The following BIRC6 variants were observed in gnomAD, a reference collection of about 807,000 sequenced individuals.
BIRC6 encodes dual E2 ubiquitin-conjugating enzyme/E3 ubiquitin-protein ligase BIRC6.
In BIRC6, 98 loss-of-function variants were observed where a neutral mutation model predicts 503.3. The ratio of observed to expected loss-of-function variants is 0.19; its 90% CI spans 0.17 to 0.23. The LOEUF is 0.23. Among genes scored for constraint, BIRC6 ranks in the 10% least tolerant of loss-of-function variants. The pLI, the probability that BIRC6 is intolerant of heterozygous loss-of-function variation, is 1.00. For missense variants in BIRC6, 5,360 were observed against 5,806.0 expected (o/e 0.92, Z 2.50); for synonymous variants, 2,240 against 2,078.7 (o/e 1.08, Z -2.11).
intron 53 of BIRC6, among the ~76,000 whole-genome samples, chr2:32,511,423 C>T (rs2054421234): frequency 6.7e-6 from 1 of 149,878 alleles, no homozygotes; most frequent in African/African-American, 2.4e-5. Flanking sequence ...CATTCTTCTG[C>T]CTCAGCCTCC....
In BIRC6 at chr2:32,388,770, T is replaced by C. The variant is rs1220568088; in HGVS notation, c.666T>C (p.His222=). 1 of 1,603,984 alleles carries C rather than the reference T, an allele frequency of 6.2e-7. No homozygotes were observed. The highest frequency in any genetic ancestry group is 8.5e-7 in the Non-Finnish European group (1 of 1,175,726). The change falls in exon 4 of 74, where the codon CAT becomes CAC. Residue 222 remains histidine, a synonymous_variant. Coordinates refer to ENST00000421745, the MANE Select transcript of BIRC6 (RefSeq NM_016252.4). ...KVAKWATVTF[H]LPHHVLKSIA... The stretch of plus-strand genomic sequence containing the variant: ...TTCAGTGGGCCACAGTTACATTTCA[T>C]CTTCCTCATCATGTGTTGAAGTCCA...
chr2:32,501,286 A>G (rs1036445170), intron 46 of BIRC6, among the ~76,000 whole-genome samples: 2 of 152,206 alleles, frequency 1.3e-5, no homozygotes, highest in African/African-American at 4.8e-5. Context: ...TGCTGGTATC[A>G]CATATTTTTC....
At chr2:32,560,594 C>G (rs985273934) in intron 65 of BIRC6, among the ~76,000 whole-genome samples, 2 of 151,274 alleles carry the variant, frequency 1.3e-5, no homozygotes, top group Admixed American at 1.3e-4. Flanking sequence ...TTTCTTTTTT[C>G]TTCTTCAGTC....
chr2:32,446,732 TGC>T (rs1469922907), intron 21 of BIRC6, among the ~76,000 whole-genome samples: 6 of 135,292 alleles, frequency 4.4e-5, no homozygotes, highest in Non-Finnish European at 7.8e-5. Flanking sequence ...CATCTCCCTC[TGC>T]GCTGTTTTTT....
chr2:32,609,810 C>T (rs2062734798), intron 72 of BIRC6, among the ~76,000 whole-genome samples: 1 of 147,538 alleles, frequency 6.8e-6, no homozygotes, highest in East Asian at 2.0e-4. Context: ...GAAGGATAAA[C>T]ACAGGGAACT....
intron 23 of BIRC6, among the ~76,000 whole-genome samples, chr2:32,461,426 G>C (rs535714072): frequency 1.3e-5 from 2 of 149,310 alleles, no homozygotes; most frequent in East Asian, 4.0e-4. Flanking sequence ...AGCTGGTCTT[G>C]AACTACTTAC....
chr2:32,558,837 A>G (rs1247911655), intron 65 of BIRC6: 1 of 152,236 alleles, frequency 6.6e-6, no homozygotes, highest in Non-Finnish European at 1.5e-5. Flanking sequence ...AATCTGTGGT[A>G]AATTTCACTG....
Position 32,448,829 on chromosome 2 carries a change from C to G in BIRC6, c.4519C>G (p.Leu1507Val), listed in dbSNP as rs767343073. Residue 1507 changes from leucine to valine, a missense_variant, in exon 22 of 74, where the codon CTC becomes GTC. Around this residue, in one of 16 missense-constraint regions of BIRC6, gnomAD observed 2,299 missense variants for 2,267.2 expected, o/e 1.01. Transcript: ENST00000421745. Reference protein sequence around the residue: ...GLYSSPFDPVLFDLEMSGSSC... With the variant: ...GLYSSPFDPVVFDLEMSGSSC... ...ATATAGCTCACCATTTGATCCAGTC[C>G]TCTTTGATTTGGAGATGAGTGGCTC... is the stretch of plus-strand genomic sequence containing the variant. 6.2e-7 allele frequency: 1 copy of G among 1,613,134 alleles called. No homozygotes were observed. Among genetic ancestry groups the G allele is most frequent in the Non-Finnish European group, 8.5e-7 (1 of 1,179,392 alleles).
chr2:32,477,538 C>T lies in BIRC6; in HGVS notation c.7023C>T (p.Ser2341=). The change falls in exon 35 of 74, where the codon TCC becomes TCT. Residue 2341 remains serine, a synonymous_variant. Coordinates refer to ENST00000421745, the MANE Select transcript of BIRC6 (RefSeq NM_016252.4). ...AGAAACTTGTTCTGTTTCTTCTCTCCATGGACTTTACATGTCATGCAGATC... is the reference window on the plus strand; with the variant it reads ...AGAAACTTGTTCTGTTTCTTCTCTCTATGGACTTTACATGTCATGCAGATC... ...VVQKLVLFLL[S]MDFTCHADLL... is the part of the protein sequence containing the mutation. The T allele has an allele frequency of 1.2e-6, 2 of 1,613,782 alleles. No homozygotes were observed. The highest frequency in any genetic ancestry group is 8.5e-7 in the Non-Finnish European group (1 of 1,179,808).
Position 32,536,497 on chromosome 2 carries a change from AG to A in BIRC6, c.12291+4948del, listed in dbSNP as rs796243216. 3.6e-4 allele frequency among the ~76,000 whole-genome samples: 55 copies of A among 152,354 alleles called. 1 individual carries two copies. The highest frequency in any genetic ancestry group is 1.3e-3 in the African/African-American group (54 of 41,590). On this transcript the variant is annotated intron_variant, in intron 61 of 73. Transcript: ENST00000421745. ...TTAATTTTTGTATAAGGTGTAAAGA[AG>A]GCATCCAGTTTCAGCTTTCTACATA...
intron 3 of BIRC6, among the ~76,000 whole-genome samples, chr2:32,382,621 A>G (rs1470428164): frequency 1.3e-5 from 2 of 152,254 alleles, no homozygotes; most frequent in African/African-American, 2.4e-5. Context: ...CAGAGACAAC[A>G]GTTTAATTAA....
intron 73 of BIRC6, among the ~76,000 whole-genome samples, chr2:32,616,722 A>G (rs1187542461): frequency 1.3e-5 from 2 of 152,170 alleles, no homozygotes; most frequent in Non-Finnish European, 2.9e-5. Context: ...CAGTGGATTT[A>G]TTTTAATTTA....
intron 66 of BIRC6, among the ~76,000 whole-genome samples, chr2:32,578,019 CTGA>C (rs1434944017): frequency 6.6e-6 from 1 of 152,108 alleles, no homozygotes; most frequent in Non-Finnish European, 1.5e-5. Context: ...ATTCTTTTTA[CTGA>C]TAAACATTAT....
At chr2:32,382,399 C>G (rs2037802760) in intron 3 of BIRC6, among the ~76,000 whole-genome samples, 1 of 152,244 alleles carries the variant, frequency 6.6e-6, no homozygotes, top group South Asian at 2.1e-4. Context: ...GAATCAACTA[C>G]TGCATCATGT....
In BIRC6 at chr2:32,470,073, A is replaced by T. The variant is rs936080537; in HGVS notation, c.6348-95A>T. 3 of 1,085,784 alleles carry T rather than the reference A, an allele frequency of 2.8e-6. No homozygotes were observed. The East Asian group carries it at 8.8e-5, about 32-fold the overall frequency. The allele number at this position is 1,085,784 out of a possible 1,614,324, so 67.3% of individuals were successfully genotyped here. A position where few individuals can be genotyped will look rare whatever the true frequency, so the allele number is the denominator to read the frequency against. The stretch of plus-strand genomic sequence containing the variant: ...TATGTTTTAAGAAAGCAAATATTCT[A>T]TCATTACTCTGTTAAATTTCTATGT... On this transcript the variant is annotated intron_variant, in intron 30 of 73. Transcript: ENST00000421745.
intron 61 of BIRC6, among the ~76,000 whole-genome samples, chr2:32,531,892 A>C (rs187013549): frequency 1.1e-3 from 170 of 152,332 alleles, no homozygotes; most frequent in Admixed American, 2.7e-3. Flanking sequence ...GTAAAATAGC[A>C]GTGTATACTG....
chr2:32,375,652 C>T (rs559954354), intron 1 of BIRC6, among the ~76,000 whole-genome samples: 1 of 152,136 alleles, frequency 6.6e-6, no homozygotes, highest in East Asian at 1.9e-4. Flanking sequence ...CGTGCCATTT[C>T]AGGCACAGGA....
chr2:32,429,093 T>C, intron 10 of BIRC6, 53 bp from the exon 11 acceptor site: 1 of 1,429,598 alleles, frequency 7.0e-7, no homozygotes, highest in South Asian at 1.3e-5. Flanking sequence ...TACATTTGAA[T>C]ATTTGAATGT....
At chr2:32,464,415 A>G in intron 24 of BIRC6, 94 bp from the exon 25 acceptor site, 1 of 1,342,112 alleles carries the variant, frequency 7.5e-7, no homozygotes, top group Admixed American at 2.9e-5. Flanking sequence ...CAATTTAATC[A>G]TGTTTATCTT....
Sources: gnomAD v4.1 joint callset for allele counts (sites outside exome capture counted in the v4.1 genomes callset) on GRCh38, gnomAD v4.1.1 for gene constraint, gnomAD v4.1.1 regional missense constraint, MANE v1.5 for transcripts, NCBI Gene and HGNC (gene_info 2026-07-23, HGNC 2026-07-21) for gene names.